The following STAG1 variants were observed in gnomAD, a reference collection of about 807,000 sequenced individuals.
The protein encoded by STAG1 is cohesin subunit SA-1.
Under a neutral mutation model 170.9 loss-of-function variants are expected in STAG1, and 26 were observed. The ratio of observed to expected loss-of-function variants is 0.15; its 90% CI spans 0.11 to 0.21. The LOEUF (loss-of-function observed/expected upper bound fraction) is 0.21, where lower values mean the gene tolerates loss of function less well. Ranked by LOEUF, STAG1 falls within the 10% of genes least tolerant of loss-of-function variation. The probability of loss-of-function intolerance (pLI) is 1.00; values close to 1 mark genes in which losing one functional copy is unlikely to be tolerated. For synonymous variants in STAG1, 514 were observed against 497.7 expected (o/e 1.03, Z -0.44); for missense variants, 964 against 1,509.5 (o/e 0.64, Z 5.99).
At chr3:136,397,146 A>C (rs1346077822) in intron 22 of STAG1, among the ~76,000 whole-genome samples, 1 of 152,180 alleles carries the variant, frequency 6.6e-6, no homozygotes. Context: ...AAACATACTA[A>C]TATCTTTATT....
At chr3:136,568,652 C>A in intron 5 of STAG1, 113 bp downstream of exon 5, 1 of 730,852 alleles carries the variant, frequency 1.4e-6, no homozygotes, top group Admixed American at 2.6e-5. Flanking sequence ...AAAAGATTAG[C>A]AGATAATCTT....
At chr3:136,644,989 C>A (rs1940950331) in intron 1 of STAG1, among the ~76,000 whole-genome samples, 2 of 152,118 alleles carry the variant, frequency 1.3e-5, no homozygotes, top group Non-Finnish European at 2.9e-5. Context: ...CTCGATCTCC[C>A]GAAGTGCTGG....
At chr3:136,354,375 C>T (rs1936547936) in intron 28 of STAG1, among the ~76,000 whole-genome samples, 2 of 152,164 alleles carry the variant, frequency 1.3e-5, no homozygotes, top group African/African-American at 4.8e-5. Context: ...TTACTGCGAC[C>T]TCTGCCCCTG....
chr3:136,433,305 A>AATATAT (rs989127492), intron 16 of STAG1, among the ~76,000 whole-genome samples: 2 of 151,032 alleles, frequency 1.3e-5, no homozygotes, highest in African/African-American at 4.9e-5. Context: ...AAATCCTTAA[A>AATATAT]ATATATATAT....
At chr3:136,407,111 C>T (rs924815855) in intron 21 of STAG1, among the ~76,000 whole-genome samples, 2 of 152,122 alleles carry the variant, frequency 1.3e-5, no homozygotes, top group African/African-American at 4.8e-5. Context: ...ACTGCAACCT[C>T]GGCCTCTGGG....
At chr3:136,731,582 G>A (rs866697990) in intron 1 of STAG1, among the ~76,000 whole-genome samples, 11 of 152,200 alleles carry the variant, frequency 7.2e-5, no homozygotes, top group Non-Finnish European at 1.3e-4. Context: ...AGCCTATCAA[G>A]TAAAGATTTC....
At chr3:136,663,133 C>G (rs1209432614) in intron 1 of STAG1, among the ~76,000 whole-genome samples, 1 of 151,854 alleles carries the variant, frequency 6.6e-6, no homozygotes, top group Non-Finnish European at 1.5e-5. Context: ...TAAACCTACA[C>G]AGCCTATACA....
chr3:136,617,848 A>T (rs1033234480), intron 3 of STAG1, among the ~76,000 whole-genome samples: 3 of 152,172 alleles, frequency 2.0e-5, no homozygotes, highest in Non-Finnish European at 2.9e-5. Context: ...AGAAAAAAAA[A>T]CTTTGGAATT....
At chr3:136,446,785 T>C (rs376084755) in intron 14 of STAG1, among the ~76,000 whole-genome samples, 6 of 151,156 alleles carry the variant, frequency 4.0e-5, no homozygotes, top group African/African-American at 1.5e-4. Context: ...TCTTAATCTA[T>C]ACTGTACCTT....
intron 2 of STAG1, among the ~76,000 whole-genome samples, chr3:136,624,877 T>C (rs183002682): frequency 9.9e-4 from 151 of 152,316 alleles, no homozygotes; most frequent in African/African-American, 3.4e-3. Flanking sequence ...CACAACAGGT[T>C]TAAATAACAA....
At chr3:136,690,155 A>AGCT (rs1942675991) in intron 1 of STAG1, among the ~76,000 whole-genome samples, 1 of 151,894 alleles carries the variant, frequency 6.6e-6, no homozygotes, top group Admixed American at 6.6e-5. Context: ...TAGTCAACAC[A>AGCT]GCTGGTGGCT....
intron 18 of STAG1, 48 bp downstream of exon 18, chr3:136,422,720 A>C (rs1449363736): frequency 6.6e-7 from 1 of 1,525,430 alleles, no homozygotes; most frequent in Admixed American, 2.0e-5. Context: ...AAAATAATTC[A>C]GTTAATAAAA....
Position 136,744,673 on chromosome 3 carries a change from CTT to C in STAG1, c.-84+7520_-84+7521del, listed in dbSNP as rs34241550. Among the ~76,000 whole-genome samples, 613 of 117,424 alleles carry C rather than the reference CTT, an allele frequency of 5.2e-3. 1 individual carries two copies. Among genetic ancestry groups the C allele is most frequent in the African/African-American group, 0.018 (547 of 30,854 alleles). 77.0% of individuals were successfully genotyped at this position (117,424 alleles called of 152,430 possible). On this transcript the variant is annotated intron_variant, in intron 1 of 33. Coordinates refer to ENST00000383202, the MANE Select transcript of STAG1 (RefSeq NM_005862.3). ...CATTTCTTAGGTAAACTGCAACCATCTTTTTTTTTTTTTTTTTTTTGAGACAG... is the reference window on the plus strand; with the variant it reads ...CATTTCTTAGGTAAACTGCAACCATCTTTTTTTTTTTTTTTTTTGAGACAG...
intron 21 of STAG1, among the ~76,000 whole-genome samples, chr3:136,405,842 ATGAGATACCAC>A (rs2087469075): frequency 6.8e-6 from 1 of 146,022 alleles, no homozygotes; most frequent in Non-Finnish European, 1.5e-5. Flanking sequence ...TAAAAGCATG[ATGAGATACCAC>A]TATATACTTA....
At chr3:136,418,217 G>A (rs1426894896) in intron 20 of STAG1, among the ~76,000 whole-genome samples, 1 of 151,452 alleles carries the variant, frequency 6.6e-6, no homozygotes, top group Non-Finnish European at 1.5e-5. Flanking sequence ...AAAATTAGCT[G>A]GGCATGGTGG....
intron 21 of STAG1, among the ~76,000 whole-genome samples, chr3:136,415,339 A>G (rs980160211): frequency 2.0e-5 from 3 of 151,770 alleles, no homozygotes; most frequent in Non-Finnish European, 4.4e-5. Flanking sequence ...ACAAACAAAA[A>G]AGTCAAACAT....
At chr3:136,675,435 T>C (rs77211666) in intron 1 of STAG1, among the ~76,000 whole-genome samples, 1,853 of 152,320 alleles carry the variant, frequency 0.012, 39 homozygotes, top group African/African-American at 0.043. Flanking sequence ...CTGCTTATTA[T>C]GAAGGAAAAA....
chr3:136,622,135 TAAAAAAAAAAA>T (rs75542452), intron 3 of STAG1, among the ~76,000 whole-genome samples: 2 of 92,816 alleles, frequency 2.2e-5, no homozygotes, highest in Admixed American at 1.2e-4. Context: ...CCATCTCTAC[TAAAAAAAAAAA>T]AAAAAAAAAA....
At chr3:136,515,537 G>A (rs868297841) in intron 7 of STAG1, among the ~76,000 whole-genome samples, 8 of 152,198 alleles carry the variant, frequency 5.3e-5, no homozygotes, top group African/African-American at 1.2e-4. Flanking sequence ...CTATAAAGAC[G>A]AAGAAAGGCA....
Sources: allele counts gnomAD v4.1 joint callset (sites outside exome capture counted in the v4.1 genomes callset), GRCh38; gene constraint gnomAD v4.1.1; transcripts MANE v1.5; gene names NCBI Gene and HGNC (gene_info 2026-07-23, HGNC 2026-07-21).